The following TAB3 variants were observed in gnomAD, a reference collection of about 807,000 sequenced individuals.
The protein encoded by TAB3 is TGF-beta activated kinase 1 (MAP3K7) binding protein 3.
Under a neutral mutation model 48.1 loss-of-function variants are expected in TAB3, and 18 were observed. The observed-to-expected ratio is 0.37, with a 90% CI of 0.26 to 0.55. The LOEUF is 0.55. Ranked by LOEUF, TAB3 falls within the 20% of genes least tolerant of loss-of-function variation. The pLI is 0.78. For synonymous variants in TAB3, 185 were observed against 190.2 expected (o/e 0.97, Z 0.22); for missense variants, 414 against 549.8 (o/e 0.75, Z 2.47).
intron 1 of TAB3, among the ~76,000 whole-genome samples, chrX:30,883,137 AC>A (rs1212311701): frequency 9.1e-6 from 1 of 110,220 alleles, no homozygotes; most frequent in African/African-American, 3.3e-5. Flanking sequence ...AATAAAATAA[AC>A]CCCCCTAAAC....
Position 30,854,281 on chromosome X carries a change from C to G in TAB3, c.1384G>C (p.Ala462Pro). 8.3e-7 allele frequency: 1 copy of G among 1,211,503 alleles called. No homozygotes were observed. The highest frequency in any genetic ancestry group is 1.1e-6 in the Non-Finnish European group (1 of 895,516). Reference sequence around the variant, plus strand: ...AAATTTAAAAGATTTTCAGTCGTTGCTCGGCCTACGGTAATTTTAAAAACT... The same window carrying G: ...AAATTTAAAAGATTTTCAGTCGTTGGTCGGCCTACGGTAATTTTAAAAACT... ...TTVFKITVGR[A>P]TTENLLNLVD... The change falls in exon 6 of 11, where the codon GCA (alanine) becomes CCA (proline). Residue 462 changes from alanine to proline, a missense_variant. By Grantham distance (27) the Ala-to-Pro change is conservative. Transcript: ENST00000288422.
intron 7 of TAB3, among the ~76,000 whole-genome samples, chrX:30,848,282 G>T (rs1208772644): frequency 8.9e-6 from 1 of 112,190 alleles, no homozygotes; most frequent in Non-Finnish European, 1.9e-5. Flanking sequence ...CCGGCACTTT[G>T]GGGGGCCAAG....
At chrX:30,884,246 C>T (rs1429770121) in intron 1 of TAB3, among the ~76,000 whole-genome samples, 1 of 111,705 alleles carries the variant, frequency 9.0e-6, no homozygotes. Context: ...AAAGTAATAA[C>T]AATAATAGTA....
chrX:30,839,397 T>TAAAA (rs1215391464), intron 9 of TAB3, among the ~76,000 whole-genome samples: 36 of 111,686 alleles, frequency 3.2e-4, no homozygotes, highest in Admixed American at 3.0e-3. Flanking sequence ...TATAAGTCAA[T>TAAAA]GAGATAGAAA....
At chrX:30,844,654 A>C (rs899526590) in intron 8 of TAB3, 20 of 112,467 alleles carry the variant, frequency 1.8e-4, no homozygotes, top group Admixed American at 1.9e-4. Context: ...CATCATGCAT[A>C]GTAATTCTTT....
rs917336247 is a variant in TAB3, at chrX:30,833,097, T to A, written c.1990+954A>T. ...GCCATTCTCCTGCCTCAGCCTCCTG[T>A]GTAGCTGGGACTACAGGCGCCTGCC... On this transcript the variant is annotated intron_variant, in intron 10 of 10. Coordinates refer to ENST00000288422, the MANE Select transcript of TAB3 (RefSeq NM_152787.5). Among the ~76,000 whole-genome samples, 13 of 96,271 alleles carry A rather than the reference T, an allele frequency of 1.4e-4. No individual in the cohort carries two copies. In the East Asian group the frequency reaches 2.9e-3, roughly 22 times the overall value. The allele number at this position is 96,271 out of a possible 115,157, so 83.6% of individuals were successfully genotyped here.
chrX:30,837,650 T>G (rs1300808965), intron 9 of TAB3, among the ~76,000 whole-genome samples: 1 of 112,583 alleles, frequency 8.9e-6, no homozygotes, highest in African/African-American at 3.2e-5. Flanking sequence ...CCTTTTCATT[T>G]TCTTAATAGT....
chrX:30,860,604 G>C (rs1456229389), intron 4 of TAB3, among the ~76,000 whole-genome samples: 1 of 110,891 alleles, frequency 9.0e-6, no homozygotes, highest in African/African-American at 3.3e-5. Context: ...TCTCATTTTG[G>C]GCTTTTCTAT....
chrX:30,853,382 T>C (rs1317210922), intron 6 of TAB3, among the ~76,000 whole-genome samples: 1 of 112,778 alleles, frequency 8.9e-6, no homozygotes, highest in Non-Finnish European at 1.9e-5. Flanking sequence ...TATATATTAT[T>C]ACTTTTTAGC....
chrX:30,835,642 T>G (rs892734003), intron 9 of TAB3: 1 of 111,760 alleles, frequency 8.9e-6, no homozygotes, highest in East Asian at 2.8e-4. Flanking sequence ...AACTACAAAG[T>G]CCAATCTACC....
At chrX:30,868,316 T>TATATATA (rs1403910662) in intron 2 of TAB3, among the ~76,000 whole-genome samples, 1 of 1,474 alleles carries the variant, frequency 6.8e-4, no homozygotes, top group African/African-American at 2.7e-3. Flanking sequence ...TATATATAGC[T>TATATATA]TATATATATA....
chrX:30,854,096 A>T lies in TAB3; in HGVS notation c.1549+20T>A, dbSNP rs750828060. On this transcript the variant is annotated intron_variant, in intron 6 of 10. Coordinates refer to ENST00000288422, the MANE Select transcript of TAB3 (RefSeq NM_152787.5). ...TGCCTCACCACAGAAATTAAATTTC[A>T]TAAAAGGGTTAAAATTTACCTTGTG... The T allele has an allele frequency of 8.6e-7, 1 of 1,162,882 alleles. No individual in the cohort carries two copies. The highest frequency in any genetic ancestry group is 1.1e-6 in the Non-Finnish European group (1 of 874,656).
At chrX:30,847,016 T>C (rs1463438003) in intron 7 of TAB3, among the ~76,000 whole-genome samples, 2 of 111,548 alleles carry the variant, frequency 1.8e-5, no homozygotes, top group Non-Finnish European at 3.8e-5. Flanking sequence ...TCCATGATCT[T>C]AGTCTTGTCC....
rs1481923566 is a variant in TAB3, at chrX:30,844,013, A to G, written c.1805-964T>C. 8.2e-5 allele frequency: 9 copies of G among 110,277 alleles called. No individual in the cohort carries two copies. The Admixed American group carries it at 8.7e-4, about 11-fold the overall frequency. The allele number at this position is 110,277 out of a possible 1,213,427, so 9.1% of individuals were successfully genotyped here. A position where few individuals can be genotyped will look rare whatever the true frequency, so the allele number is the denominator to read the frequency against. ...TTTTCCCAACAAGTTTTCCTTACCA[A>G]AAATCACAAAAAAGCTGGTTTTCAT... On this transcript the variant is annotated intron_variant, in intron 8 of 10. Coordinates refer to ENST00000288422, the MANE Select transcript of TAB3 (RefSeq NM_152787.5).
intron 9 of TAB3, among the ~76,000 whole-genome samples, chrX:30,842,256 A>G (rs993418940): frequency 8.9e-6 from 1 of 112,067 alleles, no homozygotes; most frequent in African/African-American, 3.2e-5. Flanking sequence ...TGATGGGAAA[A>G]TACCTAGTCG....
intron 2 of TAB3, among the ~76,000 whole-genome samples, chrX:30,869,059 C>T (rs1026535099): frequency 9.2e-6 from 1 of 108,693 alleles, no homozygotes; most frequent in African/African-American, 3.4e-5. Flanking sequence ...CGAAATCCAC[C>T]CCACATTTTT....
chrX:30,872,825 G>A (rs1195176551), intron 1 of TAB3, among the ~76,000 whole-genome samples: 1 of 112,045 alleles, frequency 8.9e-6, no homozygotes, highest in Admixed American at 9.4e-5. Context: ...AACACTTAAG[G>A]TGAAATGACC....
chrX:30,868,387 TTATA>T (rs1167126345), intron 2 of TAB3, among the ~76,000 whole-genome samples: 4 of 12,085 alleles, frequency 3.3e-4, no homozygotes, highest in East Asian at 1.6e-3. Flanking sequence ...TATATATAGC[TTATA>T]TATATATATA....
intron 1 of TAB3, among the ~76,000 whole-genome samples, chrX:30,887,534 A>G (rs147474281): frequency 0.016 from 1,752 of 112,840 alleles, 28 homozygotes; most frequent in African/African-American, 0.05. Context: ...CACACTCTAG[A>G]ATCAGACCTA....
Sources: gnomAD v4.1 joint callset for allele counts (sites outside exome capture counted in the v4.1 genomes callset) on GRCh38, gnomAD v4.1.1 for gene constraint, MANE v1.5 for transcripts, NCBI Gene and HGNC (gene_info 2026-07-23, HGNC 2026-07-21) for gene names.